The following FBXL18 variants were observed in gnomAD, a reference collection of about 807,000 sequenced individuals.
The protein encoded by FBXL18 is F-box and leucine rich repeat protein 18.
Under a neutral mutation model 46.0 loss-of-function variants are expected in FBXL18, and 36 were observed. The ratio of observed to expected loss-of-function variants is 0.78; its 90% CI spans 0.60 to 1.03. The LOEUF (loss-of-function observed/expected upper bound fraction) is 1.03. Among genes scored for constraint, FBXL18 ranks in the 50% least tolerant of loss-of-function variants. The pLI is 0.00. For missense variants in FBXL18, 977 were observed against 1,004.1 expected, an observed-to-expected ratio of 0.97 and a Z score of 0.36; for synonymous variants, 557 against 465.3, an observed-to-expected ratio of 1.20 and a Z score of -2.54.
chr7:5,494,223 G>A (rs1784012848), intron 3 of FBXL18, among the ~76,000 whole-genome samples: 1 of 151,296 alleles, frequency 6.6e-6, no homozygotes, highest in Admixed American at 6.6e-5. Context: ...GGTGAGCCAA[G>A]ATGGCACCAT....
At chr7:5,506,067 T>C (rs956961977) in intron 1 of FBXL18, among the ~76,000 whole-genome samples, 3 of 152,012 alleles carry the variant, frequency 2.0e-5, no homozygotes, top group East Asian at 1.9e-4. Flanking sequence ...GGTTTCCCTA[T>C]GTTGCTCAGG....
chr7:5,472,707 G>T (rs955215143), downstream of FBXL18, among the ~76,000 whole-genome samples: 1 of 152,156 alleles, frequency 6.6e-6, no homozygotes, highest in African/African-American at 2.4e-5. Flanking sequence ...ATGCTTCCAG[G>T]AGACTTCAGT....
intron 4 of FBXL18, among the ~76,000 whole-genome samples, chr7:5,457,772 G>A (rs1783192422): frequency 6.6e-6 from 1 of 152,226 alleles, no homozygotes; most frequent in Non-Finnish European, 1.5e-5. Context: ...GGCTGGCCTG[G>A]GGAATGGGTC....
downstream of FBXL18, among the ~76,000 whole-genome samples, chr7:5,471,218 C>A (rs1186124519): frequency 6.6e-6 from 1 of 152,208 alleles, no homozygotes; most frequent in Non-Finnish European, 1.5e-5. Context: ...GCAGCCAAAG[C>A]CTCTCGAGCT....
At position 5,478,185 on chromosome 7, in the gene FBXL18, C is replaced by A. The variant is rs1342806665; in HGVS notation, c.*3590G>T. The A allele has an allele frequency of 6.6e-6, 1 of 152,396 alleles. No homozygotes were observed. 9.4% of individuals were successfully genotyped at this position (152,396 alleles called of 1,614,324 possible). A position where few individuals can be genotyped will look rare whatever the true frequency, so the allele number is the denominator to read the frequency against. ...GTGCACAGACAGGTCCCAGGAGGGC[C>A]TCTTGGAGAAGAAACCGCTCAGGCC... On this transcript the variant is annotated 3_prime_UTR_variant, in exon 5 of 5. Coordinates refer to ENST00000382368, the MANE Select transcript of FBXL18 (RefSeq NM_024963.6).
rs187266530 is a variant in FBXL18 at position 5,507,948 on chromosome 7, C to T, written c.19-2318G>A. ...CAGTTCTCGAGACCAGCCTGGCCAA[C>T]ATGGTGAAACCCTGTCTCTACTAAA... is the stretch of plus-strand genomic sequence containing the variant. On this transcript the variant is annotated intron_variant, in intron 1 of 4. Transcript: ENST00000382368. 2.7e-3 allele frequency among the ~76,000 whole-genome samples: 405 copies of T among 152,250 alleles called. 1 individual carries two copies. Among genetic ancestry groups the T allele is most frequent in the Non-Finnish European group, 4.6e-3 (314 of 68,010 alleles).
chr7:5,496,643 C>T lies in FBXL18; in HGVS notation c.1781+3845G>A, dbSNP rs143202860. Among the ~76,000 whole-genome samples, 440 of 152,138 alleles carry T rather than the reference C, an allele frequency of 2.9e-3. 6 individuals are homozygous for T. Among genetic ancestry groups the T allele is most frequent in the African/African-American group, 9.3e-3 (386 of 41,494 alleles). ...ACACCTGTGATCCCAGCCCTTTGGGCGGCCCAGGCAAGAGGATCACTTGAG... is the reference window on the plus strand; with the variant it reads ...ACACCTGTGATCCCAGCCCTTTGGGTGGCCCAGGCAAGAGGATCACTTGAG... On this transcript the variant is annotated intron_variant, in intron 3 of 4. Coordinates refer to ENST00000382368, the MANE Select transcript of FBXL18 (RefSeq NM_024963.6). The surrounding 1 kb of genome is among the most constrained non-coding windows in gnomAD (Gnocchi z 4.8).
chr7:5,488,200 C>T (rs548524398), intron 4 of FBXL18, among the ~76,000 whole-genome samples: 1 of 152,352 alleles, frequency 6.6e-6, no homozygotes, highest in African/African-American at 2.4e-5. Context: ...CCCCAGGAGG[C>T]CAGAGGGCAA....
intron 3 of FBXL18, among the ~76,000 whole-genome samples, chr7:5,492,073 G>A (rs536488671): frequency 6.6e-6 from 1 of 151,374 alleles, no homozygotes; most frequent in Admixed American, 6.6e-5. Flanking sequence ...GGGGAGTGGG[G>A]CCAAGCTAAG....
At chr7:5,465,190 G>A (rs527781986) in intron 4 of FBXL18, among the ~76,000 whole-genome samples, 3 of 152,190 alleles carry the variant, frequency 2.0e-5, no homozygotes, top group East Asian at 1.9e-4. Context: ...CCAGATCTAT[G>A]ATAGGTACGA....
rs1172188819 is a variant in FBXL18, at chr7:5,512,088, C to A, written c.18+1569G>T. ...GTCTCTAGTAAAAAAAAAAAAAAAA[C>A]CAAAAAATTAGCTGGGCGTGGTGGC... On this transcript the variant is annotated intron_variant, in intron 1 of 4. Transcript: ENST00000382368. 1.4e-3 allele frequency among the ~76,000 whole-genome samples: 179 copies of A among 127,056 alleles called. 1 individual carries two copies. Among genetic ancestry groups the A allele is most frequent in the African/African-American group, 4.0e-3 (140 of 34,784 alleles). 83.4% of individuals were successfully genotyped at this position (127,056 alleles called of 152,430 possible). A position where few individuals can be genotyped will look rare whatever the true frequency, so the allele number is the denominator to read the frequency against.
At position 5,501,712 on chromosome 7, in the gene FBXL18, C is replaced by A. The variant is rs1784266293; in HGVS notation, c.557G>T (p.Gly186Val). The A allele has an allele frequency of 1.3e-6, 2 of 1,588,818 alleles. No homozygotes were observed. Among genetic ancestry groups the A allele is most frequent in the Admixed American group, 3.6e-5 (2 of 56,082 alleles). The part of the protein sequence containing the change: ...LKQTLFTPSY[G>V]VVPCCTSLEK... ...TAGGCTGGTGCAGCAGGGCACCACG[C>A]CGTAGGAGGGAGTGAACAGCGTCTG... is the stretch of plus-strand genomic sequence containing the variant. The change falls in exon 3 of 5, where the codon GGC becomes GTC. Residue 186 changes from glycine (G) to valine (V), a missense_variant. Gly to Val is a moderately radical substitution (Grantham distance 109). Coordinates refer to ENST00000382368, the MANE Select transcript of FBXL18 (RefSeq NM_024963.6).
chr7:5,491,258 T>C lies in FBXL18; in HGVS notation c.1973A>G (p.Lys658Arg), dbSNP rs1286698442. The change falls in exon 4 of 5, where the codon AAG (lysine) becomes AGG (arginine). Residue 658 changes from lysine to arginine, a missense_variant. Lys to Arg is a conservative substitution (Grantham distance 26, BLOSUM62 2). Transcript: ENST00000382368. Reference protein sequence around the residue: ...LFTGESLATCKSLQQSLLRSF... With the variant: ...LFTGESLATCRSLQQSLLRSF... ...GCGGAGAAGCGACTGCTGCAGGCTC[T>C]TGCAGGTGGCGAGGGACTCCCCGGT... 1.2e-6 allele frequency: 2 copies of C among 1,613,042 alleles called. No homozygotes were observed. The highest frequency in any genetic ancestry group is 1.7e-6 in the Non-Finnish European group (2 of 1,179,712).
chr7:5,510,886 G>A (rs2128239359), intron 1 of FBXL18, among the ~76,000 whole-genome samples: 1 of 152,230 alleles, frequency 6.6e-6, no homozygotes, highest in Non-Finnish European at 1.5e-5. Context: ...GTGAGTGGCA[G>A]GCCCTGGAAT....
In FBXL18 at chr7:5,501,670, T is replaced by C. The variant is rs903481523; in HGVS notation, c.599A>G (p.Tyr200Cys). The C allele has an allele frequency of 2.5e-6, 4 of 1,609,602 alleles. No individual in the cohort carries two copies. The African/African-American group carries it at 4.0e-5, about 16-fold the overall frequency. Residue 200 changes from tyrosine to cysteine, a missense_variant, in exon 3 of 5, where the codon TAC becomes TGC. Physicochemically the swap from Tyr to Cys is radical, Grantham distance 194. Transcript: ENST00000382368. The stretch of plus-strand genomic sequence containing the variant: ...GCGCGTGCGGTCCAGAATCTCGAAG[T>C]AGAGCAGCAGCTTCTCTAGGCTGGT... ...CCTSLEKLLLYFEILDRTREG... is the reference protein window; with the variant it reads ...CCTSLEKLLLCFEILDRTREG...
chr7:5,498,943 T>G (rs186103576), intron 3 of FBXL18, among the ~76,000 whole-genome samples: 404 of 152,318 alleles, frequency 2.7e-3, no homozygotes, highest in Middle Eastern at 6.8e-3. Flanking sequence ...GTTAACGAAT[T>G]CTTATTCCTT....
intron 3 of FBXL18, among the ~76,000 whole-genome samples, chr7:5,497,374 C>T (rs1052857487): frequency 2.6e-5 from 4 of 152,146 alleles, no homozygotes; most frequent in African/African-American, 9.7e-5. Context: ...CACGGAGCCT[C>T]GCAGTGGCTC....
chr7:5,495,071 T>C (rs1002043185), intron 3 of FBXL18, among the ~76,000 whole-genome samples: 1 of 152,128 alleles, frequency 6.6e-6, no homozygotes, highest in Non-Finnish European at 1.5e-5. Context: ...AGAGCTGACC[T>C]GACTCGAGTG....
At chr7:5,464,549 G>A (rs1299379045) in intron 4 of FBXL18, among the ~76,000 whole-genome samples, 1 of 150,650 alleles carries the variant, frequency 6.6e-6, no homozygotes, top group Non-Finnish European at 1.5e-5. Context: ...TGTGGTTCCA[G>A]CTACTTGGGA....
Sources: allele counts gnomAD v4.1 joint callset (sites outside exome capture counted in the v4.1 genomes callset), GRCh38; gene constraint gnomAD v4.1.1; non-coding constraint Gnocchi (gnomAD v3.1); transcripts MANE v1.5; gene names NCBI Gene and HGNC (gene_info 2026-07-23, HGNC 2026-07-21).